Variants in IGF2BP2 observed in about 807,000 individuals in gnomAD.
IGF2BP2 encodes the protein insulin-like growth factor 2 mRNA-binding protein 2.
A neutral mutation model predicts 75.8 loss-of-function variants in IGF2BP2; 17 were observed. The ratio of observed to expected loss-of-function variants is 0.22; its 90% CI spans 0.15 to 0.34. The LOEUF is 0.34. Among genes scored for constraint, IGF2BP2 ranks in the 10% least tolerant of loss-of-function variants. The pLI is 1.00. For missense variants in IGF2BP2, 516 were observed against 772.4 expected, an observed-to-expected ratio of 0.67 and a Z score of 3.93; for synonymous variants, 288 against 295.6, an observed-to-expected ratio of 0.97 and a Z score of 0.26.
At chr3:185,804,356 C>G (rs1303310524) in intron 2 of IGF2BP2, among the ~76,000 whole-genome samples, 3 of 150,992 alleles carry the variant, frequency 2.0e-5, no homozygotes, top group Non-Finnish European at 4.4e-5. Context: ...TGCTTGAACC[C>G]GGGAGGCAGA....
intron 2 of IGF2BP2, among the ~76,000 whole-genome samples, chr3:185,807,595 C>T (rs889775154): frequency 3.0e-4 from 45 of 152,178 alleles, no homozygotes; most frequent in Admixed American, 3.9e-4. Flanking sequence ...AGATGGCTCC[C>T]GAAGATTCTC....
At position 185,680,280 on chromosome 3, in the gene IGF2BP2, A is replaced by G. The variant is rs539130172; in HGVS notation, c.813-4367T>C. 2.4e-4 allele frequency among the ~76,000 whole-genome samples: 37 copies of G among 152,306 alleles called. No homozygotes were observed. The East Asian group carries it at 5.8e-3, about 24-fold the overall frequency. ...ATGAAGAAATGGAAAGTCTGATCAG[A>G]CCAATAATGAGAGAGATTGAATCAG... On this transcript the variant is annotated intron_variant, in intron 7 of 15. Coordinates refer to ENST00000382199, the MANE Select transcript of IGF2BP2 (RefSeq NM_006548.6).
chr3:185,665,440 A>AAGG (rs1157799705), intron 10 of IGF2BP2, among the ~76,000 whole-genome samples: 4 of 55,486 alleles, frequency 7.2e-5, no homozygotes, highest in African/African-American at 1.3e-4. Flanking sequence ...GGAGGAGGAG[A>AAGG]AGGAGGAGGA....
Position 185,647,186 on chromosome 3 carries a change from A to G in IGF2BP2, c.1594-48T>C. 4 of 1,347,324 alleles carry G rather than the reference A, an allele frequency of 3.0e-6. No homozygotes were observed. Among genetic ancestry groups the G allele is most frequent in the Non-Finnish European group, 4.3e-6 (4 of 936,818 alleles). The allele number at this position is 1,347,324 out of a possible 1,614,324, so 83.5% of individuals were successfully genotyped here. A position where few individuals can be genotyped will look rare whatever the true frequency, so the allele number is the denominator to read the frequency against. On this transcript the variant is annotated intron_variant, in intron 14 of 15. Coordinates refer to ENST00000382199, the MANE Select transcript of IGF2BP2 (RefSeq NM_006548.6). The surrounding 1 kb of genome is among the most constrained non-coding windows in gnomAD (Gnocchi z 4.9). ...GGGTTGGATAGGTTCCCTCCCCGTCAACGTGGTGGGCTCAGGACGGAGTGA... is the reference window on the plus strand; with the variant it reads ...GGGTTGGATAGGTTCCCTCCCCGTCGACGTGGTGGGCTCAGGACGGAGTGA...
intron 2 of IGF2BP2, among the ~76,000 whole-genome samples, chr3:185,779,615 A>G (rs951275284): frequency 1.3e-5 from 2 of 152,208 alleles, no homozygotes; most frequent in African/African-American, 2.4e-5. Context: ...GGAGCTTGTT[A>G]AAACTACAGA....
At chr3:185,713,495 A>G (rs17826758) in intron 2 of IGF2BP2, 82,559 of 519,626 alleles carry the variant, frequency 0.16, 7,424 homozygotes, top group Middle Eastern at 0.21. Context: ...ACAGGTAAGT[A>G]AGATAGACTC....
intron 2 of IGF2BP2, among the ~76,000 whole-genome samples, chr3:185,705,448 T>G (rs545013107): frequency 6.6e-6 from 1 of 152,262 alleles, no homozygotes; most frequent in Admixed American, 6.5e-5. Flanking sequence ...GTAACTTCCC[T>G]GGCTCTATAA....
chr3:185,777,044 A>C (rs924265631), intron 2 of IGF2BP2, among the ~76,000 whole-genome samples: 4 of 152,232 alleles, frequency 2.6e-5, no homozygotes, highest in Middle Eastern at 3.2e-3. Context: ...AAGAGTTGCT[A>C]CATTAGAGCT....
intron 2 of IGF2BP2, among the ~76,000 whole-genome samples, chr3:185,806,427 T>TTA (rs980111448): frequency 3.3e-5 from 5 of 152,196 alleles, no homozygotes; most frequent in African/African-American, 1.2e-4. Context: ...GGGACTCTAA[T>TTA]ATTTTCTAAG....
chr3:185,781,051 T>G (rs1197501388), intron 2 of IGF2BP2, among the ~76,000 whole-genome samples: 2 of 152,188 alleles, frequency 1.3e-5, no homozygotes, highest in Non-Finnish European at 2.9e-5. Context: ...TCAAATAATA[T>G]GTACACTTTG....
At chr3:185,807,211 G>T (rs984450809) in intron 2 of IGF2BP2, among the ~76,000 whole-genome samples, 3 of 152,106 alleles carry the variant, frequency 2.0e-5, no homozygotes, top group Admixed American at 2.0e-4. Flanking sequence ...CAATTAAACT[G>T]TATTTTATAA....
chr3:185,733,599 A>G (rs1211838568), intron 2 of IGF2BP2, among the ~76,000 whole-genome samples: 1 of 152,194 alleles, frequency 6.6e-6, no homozygotes, highest in Non-Finnish European at 1.5e-5. Context: ...TCTACTAAAA[A>G]TACAAAACTA....
chr3:185,721,515 G>A (rs1036790336), intron 2 of IGF2BP2, among the ~76,000 whole-genome samples: 4 of 151,996 alleles, frequency 2.6e-5, no homozygotes, highest in Non-Finnish European at 5.9e-5. Context: ...CTTCTTTCAA[G>A]CAGTTTTTTT....
At chr3:185,752,012 G>T (rs1035430431) in intron 2 of IGF2BP2, among the ~76,000 whole-genome samples, 27 of 152,162 alleles carry the variant, frequency 1.8e-4, no homozygotes, top group African/African-American at 5.6e-4. Flanking sequence ...GCTATTAGTT[G>T]TGTAGGTATT....
intron 10 of IGF2BP2, among the ~76,000 whole-genome samples, chr3:185,669,275 T>C (rs910642590): frequency 1.3e-5 from 2 of 152,110 alleles, no homozygotes; most frequent in African/African-American, 4.8e-5. Flanking sequence ...AATAATTGGA[T>C]AAATGAATCA....
chr3:185,700,358 C>CT (rs1723123800), intron 2 of IGF2BP2, among the ~76,000 whole-genome samples: 1 of 152,246 alleles, frequency 6.6e-6, no homozygotes, highest in South Asian at 2.1e-4. Context: ...TCTTGTCTAT[C>CT]TTTTTTTAAA....
intron 4 of IGF2BP2, among the ~76,000 whole-genome samples, chr3:185,694,495 TG>T (rs2149342951): frequency 6.6e-6 from 1 of 152,354 alleles, no homozygotes; most frequent in Admixed American, 6.5e-5. Context: ...TCACTGGGCA[TG>T]AAAGTTCTAT....
At chr3:185,723,315 G>A (rs552093588) in intron 2 of IGF2BP2, among the ~76,000 whole-genome samples, 61 of 152,226 alleles carry the variant, frequency 4.0e-4, no homozygotes, top group African/African-American at 1.3e-3. Flanking sequence ...CACTGCTTGG[G>A]TCCACAGCAG....
chr3:185,702,299 T>A (rs1723411366), intron 2 of IGF2BP2, among the ~76,000 whole-genome samples: 1 of 152,104 alleles, frequency 6.6e-6, no homozygotes, highest in Non-Finnish European at 1.5e-5. Context: ...GTCTATTTTT[T>A]CTTTGCCAGG....
Sources: gnomAD v4.1 joint callset for allele counts (sites outside exome capture counted in the v4.1 genomes callset) on GRCh38, gnomAD v4.1.1 for gene constraint, Gnocchi (gnomAD v3.1) non-coding constraint, MANE v1.5 for transcripts, NCBI Gene and HGNC (gene_info 2026-07-23, HGNC 2026-07-21) for gene names.